PIEZO2: variants seen among roughly 807,000 people sequenced by gnomAD.
PIEZO2 encodes piezo type mechanosensitive ion channel component 2, also known as piezo-type mechanosensitive ion channel component 2.
In PIEZO2, 172 loss-of-function variants were observed where a neutral mutation model predicts 337.3. The ratio of observed to expected loss-of-function variants is 0.51; its 90% CI spans 0.45 to 0.58. The LOEUF is 0.58. PIEZO2 is among the 20% of genes least tolerant of loss of function. PIEZO2 has a pLI of 0.00. For missense variants in PIEZO2, 3,028 were observed against 3,391.3 expected, an observed-to-expected ratio of 0.89 and a Z score of 2.66; for synonymous variants, 1,251 against 1,228.5, an observed-to-expected ratio of 1.02 and a Z score of -0.38.
intron 2 of PIEZO2, among the ~76,000 whole-genome samples, chr18:11,058,679 T>A (rs1366448841): frequency 6.6e-6 from 1 of 152,024 alleles, no homozygotes; most frequent in Non-Finnish European, 1.5e-5. Context: ...GTATCGGTGA[T>A]GGAAGATGAA....
chr18:10,742,700 A>G, intron 31 of PIEZO2, 85 bp from the exon 32 acceptor site: 12 of 1,399,330 alleles, frequency 8.6e-6, no homozygotes, highest in Admixed American at 2.4e-5. Context: ...GCTGTTACGT[A>G]TATAGCTAAA....
rs898611749 is a variant in PIEZO2, at chr18:11,146,664, C to T, written c.64+1861G>A. ...GGTGAGCTGAGTCCAGGGAGCCCAA[C>T]CTGCAAGAGCCTATGCTCAGGGCAA... On this transcript the variant is annotated intron_variant, in intron 1 of 55. Transcript: ENST00000674853. The surrounding 1 kb of genome is among the most constrained non-coding windows in gnomAD (Gnocchi z 6.1). 4.6e-5 allele frequency among the ~76,000 whole-genome samples: 7 copies of T among 152,228 alleles called. No individual in the cohort carries two copies. Among genetic ancestry groups the T allele is most frequent in the Middle Eastern group, 3.2e-3 (1 of 316 alleles).
chr18:10,832,702 C>T (rs1256066016), intron 7 of PIEZO2, among the ~76,000 whole-genome samples: 1 of 152,196 alleles, frequency 6.6e-6, no homozygotes, highest in Non-Finnish European at 1.5e-5. Flanking sequence ...CATCAGTTCC[C>T]TCCATGGGAG....
chr18:10,805,959 T>C (rs1260875327), intron 8 of PIEZO2, among the ~76,000 whole-genome samples: 2 of 152,254 alleles, frequency 1.3e-5, no homozygotes, highest in East Asian at 3.9e-4. Context: ...TGTTTGCTTC[T>C]CTTGGACCAT....
At chr18:10,768,670 AT>A (rs2038467138) in intron 21 of PIEZO2, among the ~76,000 whole-genome samples, 1 of 152,214 alleles carries the variant, frequency 6.6e-6, no homozygotes, top group Non-Finnish European at 1.5e-5. Flanking sequence ...CAATGTGTGA[AT>A]CACAGAGAAG....
chr18:10,674,526 A>G (rs901974104), intron 54 of PIEZO2, among the ~76,000 whole-genome samples: 3 of 152,134 alleles, frequency 2.0e-5, no homozygotes, highest in Admixed American at 6.5e-5. Context: ...CCAACTCTTC[A>G]CTTATGTCTG....
intron 3 of PIEZO2, among the ~76,000 whole-genome samples, chr18:10,935,809 C>T (rs1172589658): frequency 2.6e-5 from 4 of 152,180 alleles, no homozygotes; most frequent in East Asian, 1.9e-4. Context: ...GCTCCTGCCT[C>T]GCCAGCAGCA....
chr18:10,995,092 A>G lies in PIEZO2; in HGVS notation c.161-15432T>C, dbSNP rs536063725. Among the ~76,000 whole-genome samples the G allele has an allele frequency of 4.0e-3, 400 of 99,634 alleles. 4 individuals carry two copies. The highest frequency in any genetic ancestry group is 7.8e-3 in the Admixed American group (77 of 9,874). The allele number at this position is 99,634 out of a possible 152,430, so 65.4% of individuals were successfully genotyped here. A position where few individuals can be genotyped will look rare whatever the true frequency, so the allele number is the denominator to read the frequency against. On this transcript the variant is annotated intron_variant, in intron 2 of 55. Transcript: ENST00000674853. ...GACTCCGTCTCAAAAAAAAAAAAAAAAAAAGAAAAGCGTTCCCTGCTCATC... is the reference window on the plus strand; with the variant it reads ...GACTCCGTCTCAAAAAAAAAAAAAAGAAAAGAAAAGCGTTCCCTGCTCATC...
rs2036539420 is a variant in PIEZO2 at position 10,726,369 on chromosome 18, AC to A, written c.5029+5037del. The A allele has an allele frequency of 6.6e-7, 1 of 1,514,904 alleles. No homozygotes were observed. Among genetic ancestry groups the A allele is most frequent in the East Asian group, 2.5e-5 (1 of 40,552 alleles). The allele number at this position is 1,514,904 out of a possible 1,614,324, so 93.8% of individuals were successfully genotyped here. Reference sequence around the variant, plus strand: ...GCCTCCCTTCGCCTTCCCCGCAGGCACCCACTACCTGCGGGGCGGTAACAAC... The same window carrying A: ...GCCTCCCTTCGCCTTCCCCGCAGGCACCACTACCTGCGGGGCGGTAACAAC... On this transcript the variant is annotated intron_variant, in intron 36 of 55. Transcript: ENST00000674853. This position sits in a 1 kb window ranked among gnomAD's most constrained non-coding sequence, Gnocchi z 5.9.
At chr18:11,052,701 C>A (rs189411521) in intron 2 of PIEZO2, among the ~76,000 whole-genome samples, 1 of 152,254 alleles carries the variant, frequency 6.6e-6, no homozygotes, top group East Asian at 1.9e-4. Flanking sequence ...TTTTTATCCT[C>A]TACAAATCCA....
rs2038040393 is a variant in PIEZO2 at position 10,759,690 on chromosome 18, G to A, written c.3655+15C>T. The A allele has an allele frequency of 6.5e-7, 1 of 1,537,056 alleles. No individual in the cohort carries two copies. ...TCTTCTAAAAGTAGACGGCTCAAGG[G>A]AAGGGCAGGCTCACCTCGGCAAGGA... is the stretch of plus-strand genomic sequence containing the variant. On this transcript the variant is annotated intron_variant, in intron 25 of 55. Coordinates refer to ENST00000674853, the MANE Select transcript of PIEZO2 (RefSeq NM_001378183.1). This position sits in a 1 kb window ranked among gnomAD's most constrained non-coding sequence, Gnocchi z 5.5.
Position 10,689,569 on chromosome 18 carries a change from T to G in PIEZO2, c.7497+86A>C, listed in dbSNP as rs2034706529. 1.1e-5 allele frequency: 18 copies of G among 1,581,808 alleles called. No homozygotes were observed. The Admixed American group carries it at 3.0e-4, about 26-fold the overall frequency. ...GGTAGTTTTTGCCTCATGCCTTCAT[T>G]GTGAGCAGAAGTTCACATTCATCTT... On this transcript the variant is annotated intron_variant, in intron 49 of 55. Coordinates refer to ENST00000674853, the MANE Select transcript of PIEZO2 (RefSeq NM_001378183.1).
chr18:11,079,490 A>G (rs1328420256), intron 1 of PIEZO2, among the ~76,000 whole-genome samples: 2 of 152,272 alleles, frequency 1.3e-5, no homozygotes, highest in Admixed American at 1.3e-4. Flanking sequence ...TGCACCTCCA[A>G]TTCTAGCCAA....
intron 2 of PIEZO2, among the ~76,000 whole-genome samples, chr18:11,053,234 C>T (rs76952947): frequency 0.055 from 8,429 of 152,136 alleles, 634 homozygotes; most frequent in African/African-American, 0.16. Flanking sequence ...AATCTAAGTA[C>T]TATGTAACTA....
chr18:10,682,293 C>G lies in PIEZO2; in HGVS notation c.7498-1G>C, dbSNP rs1174149848. 2.0e-6 allele frequency: 3 copies of G among 1,533,906 alleles called. No homozygotes were observed. Among genetic ancestry groups the G allele is most frequent in the Non-Finnish European group, 2.6e-6 (3 of 1,145,088 alleles). On this transcript the variant is annotated splice_acceptor_variant, in intron 49 of 55. Transcript: ENST00000674853. LOFTEE classifies it high-confidence loss of function. The surrounding 1 kb of genome is among the most constrained non-coding windows in gnomAD (Gnocchi z 5.6). ...TCTGGCCCCGTGGCTGAGGGTATCT[C>G]TGCAACAGAGAGTTCAGACAAGGCT...
chr18:10,781,336 G>A lies in PIEZO2; in HGVS notation c.2493-970C>T, dbSNP rs2038974740. Reference sequence around the variant, plus strand: ...AATAGAAAAATTAGCCAGGCATGGTGGCACATGCCTGTAGTCCCAGCTACT... The same window carrying A: ...AATAGAAAAATTAGCCAGGCATGGTAGCACATGCCTGTAGTCCCAGCTACT... On this transcript the variant is annotated intron_variant, in intron 17 of 55. Coordinates refer to ENST00000674853, the MANE Select transcript of PIEZO2 (RefSeq NM_001378183.1). This position sits in a 1 kb window ranked among gnomAD's most constrained non-coding sequence, Gnocchi z 4.1. 6.6e-6 allele frequency among the ~76,000 whole-genome samples: 1 copy of A among 152,036 alleles called. No homozygotes were observed. The highest frequency in any genetic ancestry group is 6.5e-5 in the Admixed American group (1 of 15,270).
At chr18:10,873,574 A>C (rs771200498) in intron 4 of PIEZO2, among the ~76,000 whole-genome samples, 19 of 151,954 alleles carry the variant, frequency 1.3e-4, no homozygotes, top group Non-Finnish European at 2.2e-4. Context: ...ACATTTTTAC[A>C]ACTCATTGAT....
rs2036337140 is a variant in PIEZO2, at chr18:11,022,211, GC to G, written c.161-42552del. Among the ~76,000 whole-genome samples, 14 of 152,292 alleles carry G rather than the reference GC, an allele frequency of 9.2e-5. No homozygotes were observed. The South Asian group carries it at 2.9e-3, about 32-fold the overall frequency. On this transcript the variant is annotated intron_variant, in intron 2 of 55. Coordinates refer to ENST00000674853, the MANE Select transcript of PIEZO2 (RefSeq NM_001378183.1). ...ATGCACATCCAGGTGCAGTGTCACA[GC>G]CCCCCTAACTGTGCAGGCCTGACCT...
rs556230483 is a variant in PIEZO2, at chr18:10,809,339, C to T, written c.918-2065G>A. Among the ~76,000 whole-genome samples, 377 of 129,806 alleles carry T rather than the reference C, an allele frequency of 2.9e-3. 1 individual carries two copies. The highest frequency in any genetic ancestry group is 0.01 in the African/African-American group (355 of 35,068). The allele number at this position is 129,806 out of a possible 152,430, so 85.2% of individuals were successfully genotyped here. ...AGGCTGGAGTACAGTGGCGCAATCT[C>T]GGCTCACTGCAACCTCCGCCTCCCG... On this transcript the variant is annotated intron_variant, in intron 7 of 55. Coordinates refer to ENST00000674853, the MANE Select transcript of PIEZO2 (RefSeq NM_001378183.1).
Sources: allele counts gnomAD v4.1 joint callset (sites outside exome capture counted in the v4.1 genomes callset), GRCh38; gene constraint gnomAD v4.1.1; non-coding constraint Gnocchi (gnomAD v3.1); transcripts MANE v1.5; gene names NCBI Gene and HGNC (gene_info 2026-07-23, HGNC 2026-07-21).